The following ARMH3 variants were observed in gnomAD, a reference collection of about 807,000 sequenced individuals.
The protein encoded by ARMH3 is armadillo-like helical domain-containing protein 3.
In ARMH3, 60 loss-of-function variants were observed where a neutral mutation model predicts 99.1. That is an observed-to-expected ratio of 0.61 (90% CI 0.49 to 0.75). ARMH3 has a LOEUF of 0.75. ARMH3 is among the 30% of genes least tolerant of loss of function. The probability of loss-of-function intolerance (pLI) is 0.00; values close to 1 mark genes in which losing one functional copy is unlikely to be tolerated. For missense variants in ARMH3, 679 were observed against 843.1 expected (o/e 0.81, Z 2.41); for synonymous variants, 285 against 292.8 (o/e 0.97, Z 0.27).
At chr10:101,922,448 T>C (rs1399491313) in intron 23 of ARMH3, among the ~76,000 whole-genome samples, 5 of 152,118 alleles carry the variant, frequency 3.3e-5, no homozygotes, top group African/African-American at 4.8e-5. Flanking sequence ...AACAAGGTCT[T>C]GCTATGTTGC....
At chr10:102,000,173 A>C (rs1485998286) in intron 15 of ARMH3, among the ~76,000 whole-genome samples, 1 of 152,246 alleles carries the variant, frequency 6.6e-6, no homozygotes, top group Non-Finnish European at 1.5e-5. Flanking sequence ...CAAGTATGGT[A>C]AAATGTTCAT....
At chr10:102,008,266 T>G (rs1564843877) in intron 13 of ARMH3, among the ~76,000 whole-genome samples, 1 of 152,220 alleles carries the variant, frequency 6.6e-6, no homozygotes, top group African/African-American at 2.4e-5. Context: ...GTGTTAAAAT[T>G]CAAATCAATA....
chr10:101,854,416 AG>A (rs1386778818), intron 24 of ARMH3, among the ~76,000 whole-genome samples: 3 of 152,234 alleles, frequency 2.0e-5, no homozygotes, highest in Non-Finnish European at 4.4e-5. Flanking sequence ...TTCACAGTCC[AG>A]GAAGTACCTA....
At chr10:101,888,377 C>A (rs912680033) in intron 24 of ARMH3, among the ~76,000 whole-genome samples, 2 of 152,080 alleles carry the variant, frequency 1.3e-5, no homozygotes, top group African/African-American at 4.8e-5. Flanking sequence ...CAAAAGAGAA[C>A]AAATATGTCA....
chr10:101,922,940 A>C (rs1385643256), intron 23 of ARMH3, among the ~76,000 whole-genome samples: 1 of 152,200 alleles, frequency 6.6e-6, no homozygotes, highest in Non-Finnish European at 1.5e-5. Context: ...GAGAGAAATT[A>C]ATGTCCTTCG....
intron 23 of ARMH3, among the ~76,000 whole-genome samples, chr10:101,918,034 G>A (rs1843152620): frequency 1.3e-5 from 2 of 152,006 alleles, no homozygotes; most frequent in Non-Finnish European, 2.9e-5. Context: ...AGTATATCAT[G>A]GGGTTTTTTG....
intron 16 of ARMH3, 43 bp downstream of exon 16, chr10:101,995,253 CT>C (rs1430851292): frequency 1.3e-6 from 2 of 1,545,718 alleles, no homozygotes; most frequent in Non-Finnish European, 1.8e-6. Context: ...AAAGATAGCA[CT>C]TTGTAAAAGA....
intron 1 of ARMH3, among the ~76,000 whole-genome samples, chr10:102,054,440 T>G (rs1251949196): frequency 6.6e-6 from 1 of 150,768 alleles, no homozygotes; most frequent in Non-Finnish European, 1.5e-5. Flanking sequence ...AAAAGTCCAA[T>G]GAAAACACCT....
intron 22 of ARMH3, among the ~76,000 whole-genome samples, chr10:101,946,071 CAAAAAAAAAAAAAAAA>C (rs569179050): frequency 0.017 from 572 of 34,502 alleles, 13 homozygotes; most frequent in Middle Eastern, 0.071. Context: ...GACTCTGCCT[CAAAAAAAAAAAAAAAA>C]AAAAAAAAAA....
intron 20 of ARMH3, 131 bp from the exon 21 acceptor site, chr10:101,957,863 A>C: frequency 7.8e-7 from 1 of 1,280,626 alleles, no homozygotes; most frequent in Non-Finnish European, 1.0e-6. Flanking sequence ...AAGGTCTTTT[A>C]AAAAGCAGGT....
intron 24 of ARMH3, among the ~76,000 whole-genome samples, chr10:101,878,744 T>C (rs2067333262): frequency 6.6e-6 from 1 of 152,070 alleles, no homozygotes; most frequent in South Asian, 2.1e-4. Flanking sequence ...GGAGGATCAC[T>C]TGAGCCCAGG....
At chr10:101,955,213 G>A (rs1275732345) in intron 22 of ARMH3, among the ~76,000 whole-genome samples, 1 of 152,166 alleles carries the variant, frequency 6.6e-6, no homozygotes, top group African/African-American at 2.4e-5. Flanking sequence ...GTCTTGATGG[G>A]ACAACTGAGA....
chr10:101,876,388 G>C, intron 24 of ARMH3, among the ~76,000 whole-genome samples: 1 of 151,934 alleles, frequency 6.6e-6, no homozygotes. Context: ...ATCTAAGAAA[G>C]GGAGAGAGAA....
chr10:101,947,165 C>G (rs899326410), intron 22 of ARMH3, among the ~76,000 whole-genome samples: 1 of 151,306 alleles, frequency 6.6e-6, no homozygotes, highest in African/African-American at 2.4e-5. Flanking sequence ...CCAGCCTAGG[C>G]GACAGAGCGA....
intron 20 of ARMH3, among the ~76,000 whole-genome samples, chr10:101,962,441 A>G (rs1272894595): frequency 1.3e-5 from 2 of 152,194 alleles, no homozygotes; most frequent in Non-Finnish European, 2.9e-5. Flanking sequence ...ACCTTAAAAA[A>G]AGACACTTAA....
At chr10:101,936,729 A>G (rs1386954753) in intron 23 of ARMH3, among the ~76,000 whole-genome samples, 1 of 152,200 alleles carries the variant, frequency 6.6e-6, no homozygotes, top group Non-Finnish European at 1.5e-5. Flanking sequence ...AGCATTATTT[A>G]TAATAACCAA....
At chr10:102,010,467 T>C (rs933106157) in intron 11 of ARMH3, among the ~76,000 whole-genome samples, 2 of 152,218 alleles carry the variant, frequency 1.3e-5, no homozygotes, top group South Asian at 4.1e-4. Context: ...CATAAAGCTA[T>C]CTTTGGGAAC....
At chr10:102,005,834 G>T (rs571088334) in intron 14 of ARMH3, among the ~76,000 whole-genome samples, 1 of 152,262 alleles carries the variant, frequency 6.6e-6, no homozygotes, top group East Asian at 1.9e-4. Context: ...CACCGTTGTT[G>T]TCTTGAGGGA....
intron 22 of ARMH3, among the ~76,000 whole-genome samples, chr10:101,944,242 C>CCATATATATATATA (rs1844374598): frequency 4.1e-5 from 1 of 24,328 alleles, no homozygotes; most frequent in Non-Finnish European, 7.4e-5. Context: ...TTGCTTGAGC[C>CCATATATATATATA]TATATATATA....
Sources: gnomAD v4.1 joint callset for allele counts (sites outside exome capture counted in the v4.1 genomes callset) on GRCh38, gnomAD v4.1.1 for gene constraint, MANE v1.5 for transcripts, NCBI Gene and HGNC (gene_info 2026-07-23, HGNC 2026-07-21) for gene names.